Variants in ABCC1 observed in about 807,000 individuals in gnomAD.
ABCC1 encodes ATP binding cassette subfamily C member 1 (ABCC1 blood group).
A neutral mutation model predicts 172.9 loss-of-function variants in ABCC1; 83 were observed. The observed-to-expected ratio is 0.48, with a 90% CI of 0.40 to 0.58. ABCC1 has a LOEUF of 0.58. ABCC1 is among the 20% of genes least tolerant of loss of function. The pLI is 0.00. For missense variants in ABCC1, 1,817 were observed against 2,002.7 expected, an observed-to-expected ratio of 0.91 and a Z score of 1.77; for synonymous variants, 937 against 825.2, an observed-to-expected ratio of 1.14 and a Z score of -2.32.
In ABCC1 at chr16:16,141,397, A is replaced by G; in HGVS notation, c.*116A>G. 1.1e-6 allele frequency: 1 copy of G among 912,530 alleles called. No individual in the cohort carries two copies. The highest frequency in any genetic ancestry group is 2.6e-5 in the East Asian group (1 of 38,964). 56.5% of individuals were successfully genotyped at this position (912,530 alleles called of 1,614,324 possible). On this transcript the variant is annotated 3_prime_UTR_variant, in exon 31 of 31. Coordinates refer to ENST00000399410, the MANE Select transcript of ABCC1 (RefSeq NM_004996.4). ...ACACTGAAACCAAAACATAAAAACC[A>G]AACCCAGACAACCAAAACATATTCA...
intron 23 of ABCC1, among the ~76,000 whole-genome samples, chr16:16,120,883 ACACAGTC>A (rs1317238949): frequency 6.6e-6 from 1 of 152,134 alleles, no homozygotes; most frequent in African/African-American, 2.4e-5. Flanking sequence ...CATTGCATGG[ACACAGTC>A]ACTCCTGAGG....
At chr16:16,122,877 C>G (rs1307255126) in intron 24 of ABCC1, among the ~76,000 whole-genome samples, 1 of 151,964 alleles carries the variant, frequency 6.6e-6, no homozygotes, top group Non-Finnish European at 1.5e-5. Flanking sequence ...GAGTGAGACC[C>G]TGTCTCTGGA....
chr16:15,953,703 T>C (rs895583337), intron 1 of ABCC1, among the ~76,000 whole-genome samples: 6 of 152,160 alleles, frequency 3.9e-5, no homozygotes, highest in African/African-American at 1.4e-4. Flanking sequence ...TGTGTCACCG[T>C]CGATGGAGTG....
intron 1 of ABCC1, among the ~76,000 whole-genome samples, chr16:16,005,432 C>G (rs533663679): frequency 6.6e-6 from 1 of 151,718 alleles, no homozygotes; most frequent in East Asian, 1.9e-4. Flanking sequence ...ACTGCAACCT[C>G]CGCCTCCTGG....
intron 12 of ABCC1, among the ~76,000 whole-genome samples, chr16:16,064,693 C>T (rs2050048873): frequency 2.6e-5 from 4 of 152,240 alleles, no homozygotes; most frequent in Admixed American, 2.6e-4. Flanking sequence ...AATTCACCTA[C>T]CCCGTCCCCA....
At chr16:16,007,767 T>G (rs553491136) in intron 1 of ABCC1, 49 bp from the exon 2 acceptor site, 18 of 1,534,948 alleles carry the variant, frequency 1.2e-5, no homozygotes, top group Admixed American at 2.0e-5. Flanking sequence ...CGAGCTCCTG[T>G]CCTCTGGGGT....
intron 1 of ABCC1, among the ~76,000 whole-genome samples, chr16:15,993,922 T>C (rs925282586): frequency 6.6e-6 from 1 of 152,280 alleles, no homozygotes; most frequent in East Asian, 1.9e-4. Flanking sequence ...CTGTCTGCCA[T>C]GTACCTTGCA....
rs373595436 is a variant in ABCC1 at position 16,052,835 on chromosome 16, C to T, written c.1473+19C>T. On this transcript the variant is annotated intron_variant, in intron 11 of 30. Coordinates refer to ENST00000399410, the MANE Select transcript of ABCC1 (RefSeq NM_004996.4). ...GTATCAGGTAAGGCATGTGTCTCTGCGGGCCCCCAAGCCGGGCCCTAGGCA... is the reference window on the plus strand; with the variant it reads ...GTATCAGGTAAGGCATGTGTCTCTGTGGGCCCCCAAGCCGGGCCCTAGGCA... 185 of 1,612,664 alleles carry T rather than the reference C, an allele frequency of 1.1e-4. No homozygotes were observed. Among genetic ancestry groups the T allele is most frequent in the Middle Eastern group, 6.6e-4 (4 of 6,072 alleles).
In ABCC1 at chr16:15,951,067, G is replaced by T. The variant is rs544847407; in HGVS notation, c.48+1268G>T. 6.4e-4 allele frequency among the ~76,000 whole-genome samples: 97 copies of T among 152,324 alleles called. 1 individual carries two copies. The South Asian group carries it at 6.4e-3, about 10-fold the overall frequency. ...CAGACTTTGCCTTGAGGGTCTGGGG[G>T]TGATTGGAGCCTCTTTGCAGATGGA... On this transcript the variant is annotated intron_variant, in intron 1 of 30. Transcript: ENST00000399410.
intron 17 of ABCC1, among the ~76,000 whole-genome samples, chr16:16,083,829 A>C (rs1264956655): frequency 1.3e-5 from 2 of 152,154 alleles, no homozygotes; most frequent in Non-Finnish European, 2.9e-5. Flanking sequence ...TAGGCCCCCC[A>C]GAAAGCATGC....
chr16:16,034,777 G>A (rs562870592), intron 6 of ABCC1, among the ~76,000 whole-genome samples: 1 of 151,828 alleles, frequency 6.6e-6, no homozygotes, highest in African/African-American at 2.4e-5. Flanking sequence ...TAGTAGAGAT[G>A]GAGTTTCACT....
chr16:16,006,865 C>CGGTGGT, intron 1 of ABCC1, among the ~76,000 whole-genome samples: 1 of 146,078 alleles, frequency 6.8e-6, no homozygotes, highest in Non-Finnish European at 1.5e-5. Flanking sequence ...GTGGCGGTGG[C>CGGTGGT]GGTGGCGGTG....
At chr16:16,141,148 C>T (rs375560311) in intron 30 of ABCC1, 25 bp from the exon 31 acceptor site, 2 of 1,607,630 alleles carry the variant, frequency 1.2e-6, no homozygotes, top group African/African-American at 1.3e-5. Flanking sequence ...CCCTTCCCCT[C>T]ATGTCTGTAT....
At chr16:15,964,810 A>C (rs2046209521) in intron 1 of ABCC1, among the ~76,000 whole-genome samples, 1 of 152,116 alleles carries the variant, frequency 6.6e-6, no homozygotes, top group Admixed American at 6.6e-5. Context: ...TTAATTTGAT[A>C]GCTAAAATAT....
chr16:15,952,597 G>A (rs2045898090), intron 1 of ABCC1, among the ~76,000 whole-genome samples: 1 of 151,882 alleles, frequency 6.6e-6, no homozygotes, highest in Non-Finnish European at 1.5e-5. Context: ...CTGAGGACAG[G>A]TCACAGCAGC....
Position 16,097,421 on chromosome 16 carries a change from G to A in ABCC1, c.2645-5206G>A, listed in dbSNP as rs377104624. Among the ~76,000 whole-genome samples, 24 of 152,200 alleles carry A rather than the reference G, an allele frequency of 1.6e-4. No homozygotes were observed. The South Asian group carries it at 4.8e-3, about 30-fold the overall frequency. ...AGCCATCGTGCCCGGCTGCTCTGAG[G>A]GCTTTTTGGTTGTCTCTCCATCCCC... On this transcript the variant is annotated intron_variant, in intron 19 of 30. Transcript: ENST00000399410.
At chr16:16,040,463 T>A (rs1292100926) in intron 7 of ABCC1, among the ~76,000 whole-genome samples, 1 of 151,836 alleles carries the variant, frequency 6.6e-6, no homozygotes, top group Non-Finnish European at 1.5e-5. Flanking sequence ...AATTGTGTAT[T>A]TTTAGTAGAG....
rs180932462 is a variant in ABCC1 at position 16,082,045 on chromosome 16, C to T, written c.2116-1321C>T. Among the ~76,000 whole-genome samples the T allele has an allele frequency of 3.0e-4, 46 of 152,246 alleles. No individual in the cohort carries two copies. In the East Asian group the frequency reaches 5.8e-3, roughly 19 times the overall value. On this transcript the variant is annotated intron_variant, in intron 16 of 30. Transcript: ENST00000399410. ...AAAAATCTTCAGGGGCTCCCCTTGC[C>T]CCTCTGATAAAGCCCATGCTCCCCA...
rs550313523 is a variant in ABCC1, at chr16:16,087,580, C to T, written c.2460+589C>T. ...TCAAGCACTTCTCCTGCTTTGGCCT[C>T]CCAAGTAGCTGGGATTACAGGTGCC... On this transcript the variant is annotated intron_variant, in intron 18 of 30. Transcript: ENST00000399410. Among the ~76,000 whole-genome samples, 8 of 152,288 alleles carry T rather than the reference C, an allele frequency of 5.3e-5. No homozygotes were observed. The East Asian group carries it at 7.7e-4, about 15-fold the overall frequency.
Sources: gnomAD v4.1 joint callset for allele counts (sites outside exome capture counted in the v4.1 genomes callset) on GRCh38, gnomAD v4.1.1 for gene constraint, MANE v1.5 for transcripts, NCBI Gene and HGNC (gene_info 2026-07-23, HGNC 2026-07-21) for gene names.